The following HS3ST1 variants were observed in gnomAD, a reference collection of about 807,000 sequenced individuals.
HS3ST1 encodes heparan sulfate glucosamine 3-O-sulfotransferase 1.
A neutral mutation model predicts 20.7 loss-of-function variants in HS3ST1; 8 were observed. The observed-to-expected ratio is 0.39, with a 90% CI of 0.23 to 0.70. The LOEUF (loss-of-function observed/expected upper bound fraction) is 0.70, where lower values mean the gene tolerates loss of function less well. HS3ST1 is among the 30% of genes least tolerant of loss of function. The pLI, the probability that HS3ST1 is intolerant of heterozygous loss-of-function variation, is 0.46. For synonymous variants in HS3ST1, 205 were observed against 190.4 expected (o/e 1.08, Z -0.63); for missense variants, 436 against 423.4 (o/e 1.03, Z -0.26).
At position 11,419,725 on chromosome 4, in the gene HS3ST1, T is replaced by C. The variant is rs897652529; in HGVS notation, c.-109+8974A>G. ...ATATGGTAGGGGCACATTTAACCCATTAAGAATATAATTTGAAAAAACAAA... is the reference window on the plus strand; with the variant it reads ...ATATGGTAGGGGCACATTTAACCCACTAAGAATATAATTTGAAAAAACAAA... On this transcript the variant is annotated intron_variant, in intron 1 of 1. Transcript: ENST00000002596. Among the ~76,000 whole-genome samples, 5 of 152,296 alleles carry C rather than the reference T, an allele frequency of 3.3e-5. No homozygotes were observed. The East Asian group carries it at 9.6e-4, about 29-fold the overall frequency.
At chr4:11,403,689 T>C (rs1577437662) in intron 1 of HS3ST1, among the ~76,000 whole-genome samples, 1 of 152,308 alleles carries the variant, frequency 6.6e-6, no homozygotes, top group South Asian at 2.1e-4. Flanking sequence ...GGCCACCAAC[T>C]TCCAGTGTCA....
chr4:11,416,739 C>T (rs1718792635), intron 1 of HS3ST1, among the ~76,000 whole-genome samples: 1 of 152,208 alleles, frequency 6.6e-6, no homozygotes, highest in South Asian at 2.1e-4. Flanking sequence ...GACCACACAT[C>T]AGTTCCCCTT....
At chr4:11,408,541 C>T (rs759479703) in intron 1 of HS3ST1, among the ~76,000 whole-genome samples, 3 of 152,206 alleles carry the variant, frequency 2.0e-5, no homozygotes, top group South Asian at 2.1e-4. Context: ...GGCTCCTGAA[C>T]GAATGATGAG....
chr4:11,415,879 A>G (rs1718768002), intron 1 of HS3ST1, among the ~76,000 whole-genome samples: 1 of 152,208 alleles, frequency 6.6e-6, no homozygotes, highest in African/African-American at 2.4e-5. Context: ...TATGTCACCA[A>G]ATGACCCAAT....
At chr4:11,429,931 A>G (rs1719171750), upstream of HS3ST1, among the ~76,000 whole-genome samples, 1 of 152,112 alleles carries the variant, frequency 6.6e-6, no homozygotes, top group African/African-American at 2.4e-5. Flanking sequence ...GCAAATGCAC[A>G]TCAAAGTAAC....
chr4:11,424,037 GAAAAA>G (rs543945093), intron 1 of HS3ST1, among the ~76,000 whole-genome samples: 1 of 112,912 alleles, frequency 8.9e-6, no homozygotes, highest in Non-Finnish European at 1.8e-5. Context: ...AGTCTATCTT[GAAAAA>G]AAAAAAAAAA....
chr4:11,399,181 G>C lies in HS3ST1; in HGVS notation c.825C>G (p.Pro275=). Residue 275 remains proline, a synonymous_variant, in exon 2 of 2, where the codon CCC becomes CCG. Transcript: ENST00000002596. This position sits in a 1 kb window ranked among gnomAD's most constrained non-coding sequence, Gnocchi z 5.1. ...CLHESKGRAH[P]QVDPKLLNKL... ...TATTGAGTAGTTTGGGATCGACTTG[G>C]GGGTGCGCCCGGCCTTTGGACTCAT... 1 of 1,614,172 alleles carries C rather than the reference G, an allele frequency of 6.2e-7. No individual in the cohort carries two copies.
chr4:11,427,700 C>T (rs536850536), intron 1 of HS3ST1, among the ~76,000 whole-genome samples: 42 of 152,226 alleles, frequency 2.8e-4, no homozygotes, highest in Non-Finnish European at 5.7e-4. Flanking sequence ...GAATCGCTGG[C>T]TCCCAGGGGA....
intron 1 of HS3ST1, among the ~76,000 whole-genome samples, chr4:11,402,094 T>C (rs1718342362): frequency 6.6e-6 from 1 of 152,214 alleles, no homozygotes; most frequent in Non-Finnish European, 1.5e-5. Context: ...AGTTTCAAAA[T>C]TTACTTCATT....
At chr4:11,410,196 T>A (rs1718580658) in intron 1 of HS3ST1, among the ~76,000 whole-genome samples, 1 of 152,128 alleles carries the variant, frequency 6.6e-6, no homozygotes, top group African/African-American at 2.4e-5. Context: ...ACTGAAATAA[T>A]CCCGTCCCTG....
chr4:11,419,126 C>T (rs1205188899), intron 1 of HS3ST1, among the ~76,000 whole-genome samples: 1 of 151,528 alleles, frequency 6.6e-6, no homozygotes, highest in Non-Finnish European at 1.5e-5. Context: ...TTTTTCTTTT[C>T]TCTCTTGTCC....
chr4:11,413,904 T>C (rs957027937), intron 1 of HS3ST1: 21 of 151,726 alleles, frequency 1.4e-4, no homozygotes, highest in African/African-American at 3.9e-4. Context: ...AAAAAAACCA[T>C]GTGAACATGA....
At chr4:11,423,765 GTAAC>G (rs1374902639) in intron 1 of HS3ST1, among the ~76,000 whole-genome samples, 1 of 151,908 alleles carries the variant, frequency 6.6e-6, no homozygotes, top group Non-Finnish European at 1.5e-5. Context: ...TCTGTAAACA[GTAAC>G]TAACTAGAGC....
chr4:11,425,795 T>C (rs10000547), intron 1 of HS3ST1, among the ~76,000 whole-genome samples: 36,807 of 151,998 alleles, frequency 0.24, 5,354 homozygotes, highest in African/African-American at 0.41. Flanking sequence ...GAGGAAGAAA[T>C]TTAGGGTCAG....
chr4:11,399,133 C>T lies in HS3ST1; in HGVS notation c.873G>A (p.Glu291=), dbSNP rs1455373970. The T allele has an allele frequency of 1.9e-6, 3 of 1,613,982 alleles. No individual in the cohort carries two copies. Among genetic ancestry groups the T allele is most frequent in the Admixed American group, 3.3e-5 (2 of 60,006 alleles). The change falls in exon 2 of 2, where the codon GAG becomes GAA. Residue 291 remains glutamate (E), a synonymous_variant. Coordinates refer to ENST00000002596, the MANE Select transcript of HS3ST1 (RefSeq NM_005114.4). This position sits in a 1 kb window ranked among gnomAD's most constrained non-coding sequence, Gnocchi z 5.1. ...LLNKLHEYFH[E]PNKKFFELVG... ...CAAGCTCGAAGAACTTCTTATTTGG[C>T]TCATGAAAATATTCGTGCAGTTTAT...
upstream of HS3ST1, among the ~76,000 whole-genome samples, chr4:11,433,442 A>T (rs1044318029): frequency 1.3e-5 from 2 of 152,216 alleles, no homozygotes; most frequent in African/African-American, 4.8e-5. Context: ...TGTGGCCAAA[A>T]TTACACACAT....
chr4:11,399,928 G>C lies in HS3ST1; in HGVS notation c.78C>G (p.Gly26=). The C allele has an allele frequency of 6.3e-7, 1 of 1,591,580 alleles. No individual in the cohort carries two copies. Among genetic ancestry groups the C allele is most frequent in the Non-Finnish European group, 8.5e-7 (1 of 1,171,928 alleles). ...CCGCTTTCCGCAGAAGCTCCTGCTG[G>C]CCTAGCTCGGCGGGGCGGGAAGGCA... The part of the protein sequence containing the change: ...QLVPSRPAEL[G]QQELLRKAGT... Residue 26 remains glycine, a synonymous_variant, in exon 2 of 2, where the codon GGC becomes GGG. Coordinates refer to ENST00000002596, the MANE Select transcript of HS3ST1 (RefSeq NM_005114.4). This position sits in a 1 kb window ranked among gnomAD's most constrained non-coding sequence, Gnocchi z 5.1.
At chr4:11,416,504 G>A (rs370188181) in intron 1 of HS3ST1, among the ~76,000 whole-genome samples, 10 of 150,914 alleles carry the variant, frequency 6.6e-5, no homozygotes, top group East Asian at 2.0e-4. Flanking sequence ...GTGGTGCCTC[G>A]TTCAGGGTAT....
At chr4:11,432,027 G>A (rs1430298059), upstream of HS3ST1, among the ~76,000 whole-genome samples, 4 of 152,164 alleles carry the variant, frequency 2.6e-5, no homozygotes, top group Non-Finnish European at 4.4e-5. Context: ...CACTAGAGGA[G>A]GAAGCTACCC....
Sources: allele counts gnomAD v4.1 joint callset (sites outside exome capture counted in the v4.1 genomes callset), GRCh38; gene constraint gnomAD v4.1.1; non-coding constraint Gnocchi (gnomAD v3.1); transcripts MANE v1.5; gene names NCBI Gene and HGNC (gene_info 2026-07-23, HGNC 2026-07-21).